SLC4A4: variants seen among roughly 807,000 people sequenced by gnomAD.
The protein encoded by SLC4A4 is solute carrier family 4 member 4.
A neutral mutation model predicts 111.5 loss-of-function variants in SLC4A4; 27 were observed. The ratio of observed to expected loss-of-function variants is 0.24; its 90% CI spans 0.18 to 0.33. The LOEUF is 0.33. SLC4A4 is among the 10% of genes least tolerant of loss of function. The probability of loss-of-function intolerance (pLI) is 1.00; values close to 1 mark genes in which losing one functional copy is unlikely to be tolerated. For missense variants in SLC4A4, 909 were observed against 1,315.5 expected, an observed-to-expected ratio of 0.69 and a Z score of 4.78; for synonymous variants, 443 against 463.4, an observed-to-expected ratio of 0.96 and a Z score of 0.57.
intron 2 of SLC4A4, among the ~76,000 whole-genome samples, chr4:71,161,759 C>A (rs1979537): frequency 0.63 from 95,727 of 152,022 alleles, 35,707 homozygotes; most frequent in Non-Finnish European, 0.83. Flanking sequence ...TGCTGTAGGT[C>A]TAATATTGTG....
At chr4:71,196,566 G>T (rs1289216185) in intron 1 of SLC4A4, among the ~76,000 whole-genome samples, 1 of 151,826 alleles carries the variant, frequency 6.6e-6, no homozygotes, top group Non-Finnish European at 1.5e-5. Context: ...GCTTTGCACT[G>T]CCCTTTAATT....
intron 1 of SLC4A4, among the ~76,000 whole-genome samples, chr4:71,081,807 T>C (rs1337467817): frequency 6.6e-6 from 1 of 152,022 alleles, no homozygotes; most frequent in African/African-American, 2.4e-5. Flanking sequence ...GCCAATTCTG[T>C]TTTTGAAAAT....
chr4:71,221,727 T>C (rs1438462181), intron 1 of SLC4A4, among the ~76,000 whole-genome samples: 1 of 152,156 alleles, frequency 6.6e-6, no homozygotes, highest in Admixed American at 6.5e-5. Context: ...TGGCAGAAGT[T>C]GATAAAGATT....
chr4:71,369,234 C>T (rs1463344595), intron 6 of SLC4A4, among the ~76,000 whole-genome samples: 1 of 152,062 alleles, frequency 6.6e-6, no homozygotes, highest in Admixed American at 6.6e-5. Flanking sequence ...TGGAGGGAAA[C>T]CTCAAGAATG....
At chr4:71,252,089 A>G (rs544114890) in intron 2 of SLC4A4, among the ~76,000 whole-genome samples, 17 of 152,324 alleles carry the variant, frequency 1.1e-4, no homozygotes, top group South Asian at 4.1e-4. Context: ...TTAAACAGGT[A>G]AAGAGATTTT....
chr4:71,067,129 G>GGA (rs1741537911), intron 1 of SLC4A4, among the ~76,000 whole-genome samples: 1 of 149,964 alleles, frequency 6.7e-6, no homozygotes, highest in African/African-American at 2.4e-5. Context: ...CACATGCAGA[G>GGA]AAAAAAAAAA....
intron 2 of SLC4A4, among the ~76,000 whole-genome samples, chr4:71,150,364 T>C (rs1744282286): frequency 6.6e-6 from 1 of 152,112 alleles, no homozygotes; most frequent in Admixed American, 6.6e-5. Context: ...TTCTCATAAA[T>C]GGAGATGGTC....
intron 2 of SLC4A4, among the ~76,000 whole-genome samples, chr4:71,254,585 T>C (rs1426888462): frequency 6.6e-6 from 1 of 152,146 alleles, no homozygotes; most frequent in African/African-American, 2.4e-5. Context: ...TCTAAAATCT[T>C]TTCTCCAAGT....
intron 16 of SLC4A4, among the ~76,000 whole-genome samples, chr4:71,514,264 G>A (rs922861010): frequency 6.6e-6 from 1 of 152,084 alleles, no homozygotes; most frequent in African/African-American, 2.4e-5. Context: ...CCCCCTTGCT[G>A]CTCTCATGAT....
chr4:71,332,035 A>G (rs1341375642), intron 3 of SLC4A4, among the ~76,000 whole-genome samples: 1 of 152,104 alleles, frequency 6.6e-6, no homozygotes, highest in African/African-American at 2.4e-5. Context: ...CTGCCTATTC[A>G]TCTCTGATTT....
chr4:71,210,702 T>G (rs2149011671), intron 1 of SLC4A4, among the ~76,000 whole-genome samples: 1 of 152,366 alleles, frequency 6.6e-6, no homozygotes, highest in African/African-American at 2.4e-5. Context: ...GAAGAATCTC[T>G]TTTAAATCTT....
intron 16 of SLC4A4, among the ~76,000 whole-genome samples, chr4:71,505,893 T>C (rs904028063): frequency 7.2e-5 from 11 of 152,178 alleles, no homozygotes; most frequent in African/African-American, 2.7e-4. Flanking sequence ...AGGACAAGTT[T>C]CAATTTTCTA....
intron 24 of SLC4A4, among the ~76,000 whole-genome samples, chr4:71,565,293 A>G (rs1186388754): frequency 1.3e-5 from 2 of 151,950 alleles, no homozygotes; most frequent in Admixed American, 1.3e-4. Flanking sequence ...TTCCTGCCAC[A>G]TCTCCTCACT....
intron 3 of SLC4A4, among the ~76,000 whole-genome samples, chr4:71,322,429 G>C (rs931704869): frequency 2.0e-4 from 31 of 152,056 alleles, no homozygotes; most frequent in African/African-American, 7.5e-4. Context: ...TTAGTGTGGC[G>C]CTTGTGACAG....
chr4:71,177,056 G>A (rs1424939798), intron 2 of SLC4A4, among the ~76,000 whole-genome samples: 1 of 152,112 alleles, frequency 6.6e-6, no homozygotes, highest in African/African-American at 2.4e-5. Flanking sequence ...TTTCAACACA[G>A]AATTACATAT....
chr4:71,524,389 T>C (rs1322795119), intron 16 of SLC4A4, among the ~76,000 whole-genome samples: 2 of 152,154 alleles, frequency 1.3e-5, no homozygotes, highest in East Asian at 3.9e-4. Context: ...TGCCAAAGTC[T>C]CCTCAGCATC....
intron 11 of SLC4A4, 123 bp downstream of exon 11, chr4:71,451,424 A>G (rs1686241998): frequency 1.4e-6 from 1 of 733,878 alleles, no homozygotes; most frequent in Non-Finnish European, 2.5e-6. Flanking sequence ...TTTATGGTAT[A>G]CCTATTTGTC....
At chr4:71,449,175 G>T (rs150551033) in intron 9 of SLC4A4, among the ~76,000 whole-genome samples, 1 of 152,070 alleles carries the variant, frequency 6.6e-6, no homozygotes, top group Non-Finnish European at 1.5e-5. Flanking sequence ...TCTTAAAATA[G>T]CATGTTTTCT....
chr4:71,193,314 C>T (rs767216565), intron 1 of SLC4A4, among the ~76,000 whole-genome samples: 161 of 152,246 alleles, frequency 1.1e-3, no homozygotes, highest in Middle Eastern at 3.4e-3. Flanking sequence ...TGCCCGCCAC[C>T]ACGTCCGGCT....
Sources: gnomAD v4.1 joint callset for allele counts (sites outside exome capture counted in the v4.1 genomes callset) on GRCh38, gnomAD v4.1.1 for gene constraint, MANE v1.5 for transcripts, NCBI Gene and HGNC (gene_info 2026-07-23, HGNC 2026-07-21) for gene names.